Variants in SCG3 observed in about 807,000 individuals in gnomAD.
SCG3 encodes the protein secretogranin-3.
A neutral mutation model predicts 56.2 loss-of-function variants in SCG3; 38 were observed. That is an observed-to-expected ratio of 0.68 (90% CI 0.52 to 0.89). The LOEUF (loss-of-function observed/expected upper bound fraction) is 0.89, where lower values mean the gene tolerates loss of function less well. Ranked by LOEUF, SCG3 falls within the 40% of genes least tolerant of loss-of-function variation. SCG3 has a pLI of 0.00. For synonymous variants in SCG3, 176 were observed against 184.2 expected, an observed-to-expected ratio of 0.96 and a Z score of 0.36; for missense variants, 524 against 540.7, an observed-to-expected ratio of 0.97 and a Z score of 0.31.
rs927096823 is a variant in SCG3, at chr15:51,713,600, T to C, written c.1288+187T>C. Among the ~76,000 whole-genome samples the C allele has an allele frequency of 3.9e-5, 6 of 152,214 alleles. No individual in the cohort carries two copies. In the East Asian group the frequency reaches 7.7e-4, roughly 20 times the overall value. On this transcript the variant is annotated intron_variant, in intron 11 of 11. Coordinates refer to ENST00000220478, the MANE Select transcript of SCG3 (RefSeq NM_013243.4). The stretch of plus-strand genomic sequence containing the variant: ...TTTCTCTTATTATTCAAATTAGCCT[T>C]TCAAGCAAAGGCGTTTTCTTTTCTT...
rs748816345 is a variant in SCG3, at chr15:51,695,911, T to A, written c.905T>A (p.Ile302Asn). The change falls in exon 8 of 12, where the codon ATC becomes AAC. Residue 302 changes from isoleucine to asparagine, a missense_variant. Coordinates refer to ENST00000220478, the MANE Select transcript of SCG3 (RefSeq NM_013243.4). The part of the protein sequence containing the change: ...EAKEKETLIT[I>N]MKTLIDFVKM... The stretch of plus-strand genomic sequence containing the variant: ...AAAGAGAAAGAAACACTGATTACTA[T>A]CATGAAAACACTGATTGACTTTGTG... 4 of 1,609,426 alleles carry A rather than the reference T, an allele frequency of 2.5e-6. No individual in the cohort carries two copies. In the African/African-American group the frequency reaches 5.3e-5, roughly 22 times the overall value.
intron 6 of SCG3, among the ~76,000 whole-genome samples, chr15:51,690,923 C>T (rs2055262885): frequency 6.6e-6 from 1 of 152,200 alleles, no homozygotes; most frequent in Non-Finnish European, 1.5e-5. Context: ...TAATCCCTGA[C>T]TCATGAAGCT....
intron 4 of SCG3, among the ~76,000 whole-genome samples, chr15:51,684,556 G>A (rs756013705): frequency 3.3e-5 from 5 of 152,248 alleles, no homozygotes; most frequent in Non-Finnish European, 5.9e-5. Context: ...CAGCCTGGGC[G>A]ACAGAGCCAG....
Position 51,681,560 on chromosome 15 carries a change from T to TCCC in SCG3, c.-195_-193dup, listed in dbSNP as rs1326461002. 1.7e-6 allele frequency: 1 copy of TCCC among 585,346 alleles called. No homozygotes were observed. Among genetic ancestry groups the TCCC allele is most frequent in the African/African-American group, 1.9e-5 (1 of 53,410 alleles). The allele number at this position is 585,346 out of a possible 1,614,324, so 36.3% of individuals were successfully genotyped here. Reference sequence around the variant, plus strand: ...GCTCCCCTCTACCTGGAGACTTGACTCCCGCGCGCCCCAACCCTGCTTATC... The same window carrying TCCC: ...GCTCCCCTCTACCTGGAGACTTGACTCCCCCCGCGCGCCCCAACCCTGCTTATC... On this transcript the variant is annotated 5_prime_UTR_variant, in exon 1 of 12. Coordinates refer to ENST00000220478, the MANE Select transcript of SCG3 (RefSeq NM_013243.4).
Position 51,681,624 on chromosome 15 carries a change from G to A in SCG3, c.-132G>A. ...GTGTCAGAGATCCTGCAGCCGCCCA[G>A]TCCCGGCCCCTCTCCCGCCCCACAC... On this transcript the variant is annotated 5_prime_UTR_variant, in exon 1 of 12. Coordinates refer to ENST00000220478, the MANE Select transcript of SCG3 (RefSeq NM_013243.4). The A allele has an allele frequency of 1.5e-6, 1 of 681,574 alleles. No homozygotes were observed. The allele number at this position is 681,574 out of a possible 1,614,324, so 42.2% of individuals were successfully genotyped here. A position where few individuals can be genotyped will look rare whatever the true frequency, so the allele number is the denominator to read the frequency against.
At chr15:51,709,758 T>A (rs1161485935) in intron 10 of SCG3, among the ~76,000 whole-genome samples, 2 of 118,562 alleles carry the variant, frequency 1.7e-5, no homozygotes, top group Non-Finnish European at 3.3e-5. Flanking sequence ...TCTCGCTCTG[T>A]CGCCCAGGCT....
intron 10 of SCG3, among the ~76,000 whole-genome samples, chr15:51,703,358 A>C (rs2086601053): frequency 6.6e-6 from 1 of 152,224 alleles, no homozygotes; most frequent in South Asian, 2.1e-4. Context: ...AATACCTTGA[A>C]ACTCAAGAAT....
chr15:51,692,966 C>G (rs1209448060), intron 7 of SCG3, among the ~76,000 whole-genome samples: 1 of 152,086 alleles, frequency 6.6e-6, no homozygotes, highest in African/African-American at 2.4e-5. Flanking sequence ...ACTATCACCA[C>G]CATGCTGTAC....
At chr15:51,709,780 G>A (rs1287088741) in intron 10 of SCG3, among the ~76,000 whole-genome samples, 2 of 125,540 alleles carry the variant, frequency 1.6e-5, no homozygotes, top group African/African-American at 6.2e-5. Flanking sequence ...GAGTGCAGTG[G>A]CGTGATCTCT....
chr15:51,718,730 T>TTTTG (rs200317952), intron 11 of SCG3, among the ~76,000 whole-genome samples: 1,713 of 152,254 alleles, frequency 0.011, 18 homozygotes, highest in African/African-American at 0.026. Context: ...TGTATATAGA[T>TTTTG]TTTGTTTGTT....
chr15:51,700,232 ATC>A (rs1411660270), intron 9 of SCG3, among the ~76,000 whole-genome samples: 1 of 152,224 alleles, frequency 6.6e-6, no homozygotes, highest in African/African-American at 2.4e-5. Context: ...AAAAAAATGC[ATC>A]TCTCTACATA....
Position 51,719,435 on chromosome 15 carries a change from T to C in SCG3, c.1316T>C (p.Phe439Ser), listed in dbSNP as rs1057342205. The C allele has an allele frequency of 1.2e-6, 2 of 1,613,896 alleles. No individual in the cohort carries two copies. ...TATGACCTTTCAAAGATGAGAGACT[T>C]CATCAATAAACAAGCTGATGCTTAT... ...EDYDLSKMRD[F>S]INKQADAYVE... Residue 439 changes from phenylalanine to serine, a missense_variant, in exon 12 of 12, where the codon TTC (phenylalanine) becomes TCC (serine). Transcript: ENST00000220478.
In SCG3 at chr15:51,701,047, T is replaced by C; in HGVS notation, c.1070-60T>C. 1.9e-6 allele frequency: 3 copies of C among 1,592,890 alleles called. No individual in the cohort carries two copies. The South Asian group carries it at 3.4e-5, about 18-fold the overall frequency. Reference sequence around the variant, plus strand: ...TTGTCAATAAAGTTGATTTCTACTTTAGGAACCAATTAATAGATAGGAAAC... The same window carrying C: ...TTGTCAATAAAGTTGATTTCTACTTCAGGAACCAATTAATAGATAGGAAAC... On this transcript the variant is annotated intron_variant, in intron 9 of 11. Coordinates refer to ENST00000220478, the MANE Select transcript of SCG3 (RefSeq NM_013243.4).
intron 11 of SCG3, among the ~76,000 whole-genome samples, chr15:51,713,844 A>G (rs996364869): frequency 2.0e-5 from 3 of 152,184 alleles, no homozygotes; most frequent in Admixed American, 1.3e-4. Context: ...AAAGCAAAAC[A>G]CAGAACCAGG....
intron 10 of SCG3, among the ~76,000 whole-genome samples, chr15:51,704,259 A>ATATATG (rs1394317191): frequency 7.5e-6 from 1 of 132,674 alleles, no homozygotes; most frequent in African/African-American, 3.1e-5. Context: ...ATATATATAT[A>ATATATG]TATATATATA....
intron 10 of SCG3, among the ~76,000 whole-genome samples, chr15:51,707,296 A>T (rs74992211): frequency 0.012 from 1,858 of 152,310 alleles, 38 homozygotes; most frequent in African/African-American, 0.043. Context: ...GAGCCAGAAA[A>T]GTTAGCCTAT....
chr15:51,696,490 G>A (rs1465010533), intron 8 of SCG3, among the ~76,000 whole-genome samples: 1 of 152,140 alleles, frequency 6.6e-6, no homozygotes, highest in Admixed American at 6.5e-5. Flanking sequence ...GGCTGAGGTT[G>A]CAGTGAGCCA....
At position 51,694,131 on chromosome 15, in the gene SCG3, AT is replaced by A. The variant is rs530649221; in HGVS notation, c.869-1739del. 1.5e-3 allele frequency among the ~76,000 whole-genome samples: 229 copies of A among 151,168 alleles called. 4 individuals carry two copies. The highest frequency in any genetic ancestry group is 5.3e-3 in the African/African-American group (218 of 41,118). The stretch of plus-strand genomic sequence containing the variant: ...CCTCACCTCATTTCTTATTGTCTTT[AT>A]TTTTCCATAATTTTAATTTAAATAT... On this transcript the variant is annotated intron_variant, in intron 7 of 11. Transcript: ENST00000220478.
At chr15:51,688,216 G>C (rs773324630) in intron 4 of SCG3, 44 bp from the exon 5 acceptor site, 8 of 1,566,346 alleles carry the variant, frequency 5.1e-6, no homozygotes, top group Non-Finnish European at 7.0e-6. Context: ...GCATGAAATA[G>C]ATCTATGATC....
Sources: allele counts gnomAD v4.1 joint callset (sites outside exome capture counted in the v4.1 genomes callset), GRCh38; gene constraint gnomAD v4.1.1; transcripts MANE v1.5; gene names NCBI Gene and HGNC (gene_info 2026-07-23, HGNC 2026-07-21).